The following PLEKHG7 variants were observed in gnomAD, a reference collection of about 807,000 sequenced individuals.
PLEKHG7 encodes pleckstrin homology and RhoGEF domain containing G7.
Under a neutral mutation model 85.2 loss-of-function variants are expected in PLEKHG7, and 77 were observed. The observed-to-expected ratio is 0.90, with a 90% CI of 0.75 to 1.09. The LOEUF (loss-of-function observed/expected upper bound fraction) is 1.09, where lower values mean the gene tolerates loss of function less well. Among genes scored for constraint, PLEKHG7 ranks in the 50% least tolerant of loss-of-function variants. The pLI, the probability that PLEKHG7 is intolerant of heterozygous loss-of-function variation, is 0.00. For synonymous variants in PLEKHG7, 301 were observed against 302.4 expected (o/e 1.00, Z 0.05); for missense variants, 777 against 804.3 (o/e 0.97, Z 0.41).
Position 92,761,752 on chromosome 12 carries a change from A to G in PLEKHG7, c.1637A>G (p.Glu546Gly), listed in dbSNP as rs373636389. Residue 546 changes from glutamate (E) to glycine (G), a missense_variant and splice_region_variant, in exon 14 of 17, where the codon GAA becomes GGA. By Grantham distance (98) the Glu-to-Gly change is moderately conservative. Transcript: ENST00000344636. ...LLYEGKLTLAESTRFLDVYLF... is the reference protein window; with the variant it reads ...LLYEGKLTLAGSTRFLDVYLF... ...TTTCAGCTTCTCTTTTTTTCCTCAG[A>G]AAGCACGAGATTCCTAGATGTTTAT... The G allele has an allele frequency of 2.0e-5, 32 of 1,563,562 alleles. No individual in the cohort carries two copies. The highest frequency in any genetic ancestry group is 4.1e-5 in the Admixed American group (2 of 49,036).
At chr12:92,735,856 G>A (rs1391222547) in intron 5 of PLEKHG7, among the ~76,000 whole-genome samples, 2 of 151,734 alleles carry the variant, frequency 1.3e-5, no homozygotes, top group Non-Finnish European at 2.9e-5. Context: ...TTTTTTGTTT[G>A]TTTTTTCTCA....
chr12:92,707,862 C>A, intron 3 of PLEKHG7, 190 bp downstream of exon 3: 1 of 919,716 alleles, frequency 1.1e-6, no homozygotes, highest in Non-Finnish European at 1.7e-6. Flanking sequence ...TTTAAGAGCA[C>A]AGCATTTGGG....
intron 11 of PLEKHG7, among the ~76,000 whole-genome samples, chr12:92,754,946 C>G (rs1872785925): frequency 6.6e-6 from 1 of 151,304 alleles, no homozygotes; most frequent in African/African-American, 2.4e-5. Flanking sequence ...GAAACAGATG[C>G]TTTAAAAAAA....
intron 3 of PLEKHG7, among the ~76,000 whole-genome samples, chr12:92,713,638 A>G (rs1871407540): frequency 6.6e-6 from 1 of 152,144 alleles, no homozygotes; most frequent in Non-Finnish European, 1.5e-5. Context: ...TGCCCTCACA[A>G]ATCTATTTCA....
chr12:92,761,627 A>AAAGAAAGAAAGGAAGG (rs1555196579), intron 13 of PLEKHG7, 125 bp from the exon 14 acceptor site: 20 of 79,356 alleles, frequency 2.5e-4, no homozygotes, highest in Admixed American at 6.5e-4. Flanking sequence ...AAGAAAGAAG[A>AAAGAAAGAAAGGAAGG]AAGAAAGAAA....
At chr12:92,761,235 C>G (rs952668243) in intron 13 of PLEKHG7, among the ~76,000 whole-genome samples, 2 of 152,104 alleles carry the variant, frequency 1.3e-5, no homozygotes, top group African/African-American at 4.8e-5. Context: ...TTATGTGTGC[C>G]TTTGCCAATA....
intron 6 of PLEKHG7, 90 bp from the exon 7 acceptor site, chr12:92,737,288 T>C: frequency 1.7e-6 from 2 of 1,157,656 alleles, no homozygotes; most frequent in Non-Finnish European, 2.2e-6. Flanking sequence ...GGTTGCTTGG[T>C]CCTTTGGAAC....
intron 3 of PLEKHG7, among the ~76,000 whole-genome samples, chr12:92,720,575 C>G (rs1229062839): frequency 6.6e-6 from 1 of 152,160 alleles, no homozygotes; most frequent in African/African-American, 2.4e-5. Context: ...ATCCGCCCAC[C>G]TTGGTCTCCC....
chr12:92,741,026 CTTGT>C, intron 8 of PLEKHG7, 78 bp downstream of exon 8: 8 of 1,012,818 alleles, frequency 7.9e-6, no homozygotes, highest in Non-Finnish European at 1.1e-5. Flanking sequence ...GTTCTTATGG[CTTGT>C]ATGCCATAAT....
intron 11 of PLEKHG7, among the ~76,000 whole-genome samples, 189 bp from the exon 12 acceptor site, chr12:92,755,636 G>A (rs1872804383): frequency 6.6e-6 from 1 of 152,202 alleles, no homozygotes; most frequent in Non-Finnish European, 1.5e-5. Context: ...TTCTCTGCAA[G>A]AGACTGATTC....
At position 92,761,555 on chromosome 12, in the gene PLEKHG7, AGAAAGAAG is replaced by A. The variant is rs370091241; in HGVS notation, c.1637-193_1637-186del. The stretch of plus-strand genomic sequence containing the variant: ...TTGATTAAAAAAAAGAGAGAAAGAA[AGAAAGAAG>A]GAAGGAAGGAAGGAAGGAAAGAGAG... On this transcript the variant is annotated intron_variant, in intron 13 of 16. Coordinates refer to ENST00000344636, the MANE Select transcript of PLEKHG7 (RefSeq NM_001377329.1). 3.2e-3 allele frequency among the ~76,000 whole-genome samples: 446 copies of A among 139,398 alleles called. 8 individuals carry two copies. Among genetic ancestry groups the A allele is most frequent in the African/African-American group, 0.011 (410 of 39,016 alleles). The allele number at this position is 139,398 out of a possible 152,430, so 91.5% of individuals were successfully genotyped here.
chr12:92,761,708 T>C (rs1873038654), intron 13 of PLEKHG7, 44 bp from the exon 14 acceptor site: 3 of 1,512,210 alleles, frequency 2.0e-6, no homozygotes, highest in Non-Finnish European at 2.6e-6. Flanking sequence ...CTCTTCTACT[T>C]AACAGTTTCA....
At position 92,706,512 on chromosome 12, in the gene PLEKHG7, G is replaced by T. The variant is rs567442366; in HGVS notation, c.-120G>T. On this transcript the variant is annotated 5_prime_UTR_variant, in exon 2 of 17. Coordinates refer to ENST00000344636, the MANE Select transcript of PLEKHG7 (RefSeq NM_001377329.1). ...GACATTCTCCTCTGGAAAAGGAAAAGAACTACGAGAGGAAGCATGGCACTT... is the reference window on the plus strand; with the variant it reads ...GACATTCTCCTCTGGAAAAGGAAAATAACTACGAGAGGAAGCATGGCACTT... 13 of 1,261,626 alleles carry T rather than the reference G, an allele frequency of 1.0e-5. No homozygotes were observed. The highest frequency in any genetic ancestry group is 7.5e-5 in the African/African-American group (5 of 67,086). 78.2% of individuals were successfully genotyped at this position (1,261,626 alleles called of 1,614,324 possible).
intron 3 of PLEKHG7, among the ~76,000 whole-genome samples, chr12:92,725,315 G>A (rs558750903): frequency 8.9e-4 from 136 of 152,246 alleles, no homozygotes; most frequent in African/African-American, 2.8e-3. Context: ...GCCAGATCAC[G>A]GAAGGCTTGT....
intron 3 of PLEKHG7, among the ~76,000 whole-genome samples, chr12:92,715,387 C>G (rs963298651): frequency 6.6e-6 from 1 of 152,172 alleles, no homozygotes; most frequent in Non-Finnish European, 1.5e-5. Context: ...CAGATACACC[C>G]AGGATCAATA....
intron 3 of PLEKHG7, among the ~76,000 whole-genome samples, chr12:92,716,081 TTTTTG>T (rs150207306): frequency 8.6e-5 from 13 of 151,630 alleles, no homozygotes; most frequent in Non-Finnish European, 1.0e-4. Context: ...TTTTGGGGTT[TTTTTG>T]TTTTGTTTTG....
At chr12:92,703,856 CCT>C (rs1871154959) in intron 1 of PLEKHG7, among the ~76,000 whole-genome samples, 1 of 152,190 alleles carries the variant, frequency 6.6e-6, no homozygotes, top group South Asian at 2.1e-4. Flanking sequence ...CAGCTACACC[CCT>C]GTGTCTGAAC....
chr12:92,737,555 A>G, intron 7 of PLEKHG7, 34 bp downstream of exon 7: 1 of 1,596,438 alleles, frequency 6.3e-7, no homozygotes, highest in Non-Finnish European at 8.5e-7. Context: ...AGTAGATGGA[A>G]AATATTAATT....
At chr12:92,757,517 G>A (rs1047589283) in intron 13 of PLEKHG7, among the ~76,000 whole-genome samples, 2 of 152,128 alleles carry the variant, frequency 1.3e-5, no homozygotes, top group African/African-American at 2.4e-5. Context: ...TGTCAGGTTA[G>A]GACATAATCC....
Sources: gnomAD v4.1 joint callset for allele counts (sites outside exome capture counted in the v4.1 genomes callset) on GRCh38, gnomAD v4.1.1 for gene constraint, MANE v1.5 for transcripts, NCBI Gene and HGNC (gene_info 2026-07-23, HGNC 2026-07-21) for gene names.